PPP2R2A: variants seen among roughly 807,000 people sequenced by gnomAD.
The protein encoded by PPP2R2A is serine/threonine-protein phosphatase 2A 55 kDa regulatory subunit B alpha isoform.
Under a neutral mutation model 53.2 loss-of-function variants are expected in PPP2R2A, and 9 were observed. That is an observed-to-expected ratio of 0.17 (90% CI 0.10 to 0.30). PPP2R2A has a LOEUF of 0.30. Ranked by LOEUF, PPP2R2A falls within the 10% of genes least tolerant of loss-of-function variation. The pLI is 1.00. For synonymous variants in PPP2R2A, 169 were observed against 174.2 expected (o/e 0.97, Z 0.23); for missense variants, 235 against 534.6 (o/e 0.44, Z 5.53).
intron 2 of PPP2R2A, among the ~76,000 whole-genome samples, chr8:26,326,942 T>C (rs994947774): frequency 2.3e-4 from 35 of 152,358 alleles, no homozygotes; most frequent in African/African-American, 8.4e-4. Flanking sequence ...TATCTTTCTG[T>C]TCTTGGTTGC....
chr8:26,312,549 T>G (rs571341074), intron 2 of PPP2R2A, among the ~76,000 whole-genome samples: 1 of 152,334 alleles, frequency 6.6e-6, no homozygotes, highest in African/African-American at 2.4e-5. Flanking sequence ...TGTTCTCACA[T>G]CAGTTAACAT....
intron 3 of PPP2R2A, among the ~76,000 whole-genome samples, chr8:26,349,483 G>A (rs1804385955): frequency 6.6e-6 from 1 of 152,158 alleles, no homozygotes; most frequent in Non-Finnish European, 1.5e-5. Context: ...CCCATTTTCA[G>A]TTCTTTGGGA....
intron 2 of PPP2R2A, among the ~76,000 whole-genome samples, chr8:26,310,110 G>A (rs755499374): frequency 7.5e-5 from 11 of 147,182 alleles, no homozygotes; most frequent in Non-Finnish European, 1.0e-4. Flanking sequence ...ATGAAATCCC[G>A]CCTCTACTAA....
At chr8:26,327,541 A>G (rs1418912502) in intron 2 of PPP2R2A, among the ~76,000 whole-genome samples, 2 of 152,164 alleles carry the variant, frequency 1.3e-5, no homozygotes, top group East Asian at 1.9e-4. Flanking sequence ...AATATCACAC[A>G]TTTCTGGGAG....
intron 2 of PPP2R2A, among the ~76,000 whole-genome samples, chr8:26,333,094 C>A (rs1803467678): frequency 1.3e-5 from 2 of 152,314 alleles, no homozygotes; most frequent in South Asian, 4.1e-4. Context: ...GTTGTAACAT[C>A]TGTATGTGCT....
chr8:26,318,754 TAGAC>T (rs1177192324), intron 2 of PPP2R2A, among the ~76,000 whole-genome samples: 2 of 152,176 alleles, frequency 1.3e-5, no homozygotes, highest in African/African-American at 2.4e-5. Flanking sequence ...AATATAAAGA[TAGAC>T]AGAACCTGGA....
At chr8:26,351,632 G>T (rs1419113103) in intron 3 of PPP2R2A, among the ~76,000 whole-genome samples, 1 of 152,300 alleles carries the variant, frequency 6.6e-6, no homozygotes, top group South Asian at 2.1e-4. Context: ...TTGGGAAGGG[G>T]TCGAGCTTCA....
intron 2 of PPP2R2A, among the ~76,000 whole-genome samples, chr8:26,328,050 C>G (rs761924742): frequency 2.9e-4 from 44 of 152,124 alleles, no homozygotes; most frequent in Non-Finnish European, 6.0e-4. Flanking sequence ...CCAGTGAGTT[C>G]CAGAAGATTA....
chr8:26,317,128 C>A (rs1391533196), intron 2 of PPP2R2A, among the ~76,000 whole-genome samples: 1 of 152,208 alleles, frequency 6.6e-6, no homozygotes, highest in Non-Finnish European at 1.5e-5. Context: ...CTGCCTACCC[C>A]AGAGGTCATT....
At chr8:26,293,181 G>A (rs1801384516) in intron 1 of PPP2R2A, 5 of 1,483,858 alleles carry the variant, frequency 3.4e-6, no homozygotes, top group South Asian at 2.4e-5. Context: ...AATGGGTGTA[G>A]TGTTTGCTGT....
chr8:26,364,800 T>TTTTTG (rs768673716), intron 8 of PPP2R2A, among the ~76,000 whole-genome samples: 1 of 152,108 alleles, frequency 6.6e-6, no homozygotes, highest in Non-Finnish European at 1.5e-5. Context: ...ATACACAGAT[T>TTTTTG]TTTTGTTTTG....
rs137949257 is a variant in PPP2R2A at position 26,354,621 on chromosome 8, T to C, written c.334T>C (p.Leu112=). ...CCAGAAAAATGCTGCTCAGTTTTTA[T>C]TGTCTACCAATGGTAAGTATACATA... ...LPQKNAAQFL[L]STNDKTIKLW... is the part of the protein sequence containing the mutation. The change falls in exon 4 of 10, where the codon TTG becomes CTG. Residue 112 remains leucine, a synonymous_variant. Coordinates refer to ENST00000380737, the MANE Select transcript of PPP2R2A (RefSeq NM_002717.4). This position sits in a 1 kb window ranked among gnomAD's most constrained non-coding sequence, Gnocchi z 4.6. 1.3e-5 allele frequency: 21 copies of C among 1,606,834 alleles called. No individual in the cohort carries two copies. The highest frequency in any genetic ancestry group is 1.7e-5 in the Non-Finnish European group (20 of 1,176,298).
rs146149964 is a variant in PPP2R2A, at chr8:26,332,132, G to A, written c.83-6758G>A. 1.8e-3 allele frequency among the ~76,000 whole-genome samples: 269 copies of A among 151,992 alleles called. 7 individuals are homozygous for A. The East Asian group carries it at 0.042, about 24-fold the overall frequency. On this transcript the variant is annotated intron_variant, in intron 2 of 9. Transcript: ENST00000380737. Reference sequence around the variant, plus strand: ...ATACTTTGGAAGGCTGAGGTGGGAGGATCACTTGGCCAGGAGTTCAAGAGC... The same window carrying A: ...ATACTTTGGAAGGCTGAGGTGGGAGAATCACTTGGCCAGGAGTTCAAGAGC...
At chr8:26,334,988 G>T (rs753425024) in intron 2 of PPP2R2A, among the ~76,000 whole-genome samples, 18 of 152,058 alleles carry the variant, frequency 1.2e-4, no homozygotes, top group Non-Finnish European at 2.2e-4. Flanking sequence ...GCATGTCATG[G>T]CATTCCTAAA....
rs114207309 is a variant in PPP2R2A, at chr8:26,311,667, A to G, written c.82+17927A>G. Reference sequence around the variant, plus strand: ...TGCACTCCAGTCTGGGCAACGTAGCATGACCCTGTCTCTGAAACAATGAAC... The same window carrying G: ...TGCACTCCAGTCTGGGCAACGTAGCGTGACCCTGTCTCTGAAACAATGAAC... On this transcript the variant is annotated intron_variant, in intron 2 of 9. Coordinates refer to ENST00000380737, the MANE Select transcript of PPP2R2A (RefSeq NM_002717.4). 2.8e-3 allele frequency among the ~76,000 whole-genome samples: 424 copies of G among 152,326 alleles called. 1 individual carries two copies. Among genetic ancestry groups the G allele is most frequent in the African/African-American group, 9.7e-3 (405 of 41,572 alleles).
At chr8:26,328,305 T>TA (rs1251746265) in intron 2 of PPP2R2A, among the ~76,000 whole-genome samples, 11 of 152,220 alleles carry the variant, frequency 7.2e-5, no homozygotes, top group African/African-American at 2.7e-4. Context: ...AGTTCAGTTC[T>TA]AAAAACTTAG....
Position 26,360,247 on chromosome 8 carries a change from G to A in PPP2R2A, c.425G>A (p.Arg142Lys), listed in dbSNP as rs777712711. 1 of 1,607,546 alleles carries A rather than the reference G, an allele frequency of 6.2e-7. No individual in the cohort carries two copies. Among genetic ancestry groups the A allele is most frequent in the Admixed American group, 1.7e-5 (1 of 59,614 alleles). Residue 142 changes from arginine to lysine, a missense_variant, in exon 5 of 10, where the codon AGG becomes AAG. By Grantham distance (26) the Arg-to-Lys change is conservative. Coordinates refer to ENST00000380737, the MANE Select transcript of PPP2R2A (RefSeq NM_002717.4). The surrounding 1 kb of genome is among the most constrained non-coding windows in gnomAD (Gnocchi z 4.5). The stretch of plus-strand genomic sequence containing the variant: ...TATAACTTGAAAGAGGAGGATGGAA[G>A]GTATAGAGATCCTACTACAGTTACT... ...EGYNLKEEDG[R>K]YRDPTTVTTL...
intron 2 of PPP2R2A, among the ~76,000 whole-genome samples, chr8:26,315,550 T>A (rs2117248726): frequency 6.6e-6 from 1 of 152,320 alleles, no homozygotes. Flanking sequence ...AGAAGGTAAA[T>A]GTGTTCTCTA....
intron 2 of PPP2R2A, among the ~76,000 whole-genome samples, chr8:26,334,637 C>T (rs1012297194): frequency 2.0e-5 from 3 of 151,942 alleles, no homozygotes; most frequent in Non-Finnish European, 2.9e-5. Context: ...CCCAGCTACT[C>T]AGGAGGCTGA....
Sources: gnomAD v4.1 joint callset for allele counts (sites outside exome capture counted in the v4.1 genomes callset) on GRCh38, gnomAD v4.1.1 for gene constraint, Gnocchi (gnomAD v3.1) non-coding constraint, MANE v1.5 for transcripts, NCBI Gene and HGNC (gene_info 2026-07-23, HGNC 2026-07-21) for gene names.